Variants in ADGRA1 observed in about 807,000 individuals in gnomAD.
ADGRA1 encodes the protein adhesion G protein-coupled receptor A1.
Under a neutral mutation model 21.3 loss-of-function variants are expected in ADGRA1, and 12 were observed. The ratio of observed to expected loss-of-function variants is 0.56; its 90% CI spans 0.36 to 0.91. ADGRA1 has a LOEUF of 0.91. Among genes scored for constraint, ADGRA1 ranks in the 40% least tolerant of loss-of-function variants. ADGRA1 has a pLI of 0.01. For synonymous variants in ADGRA1, 385 were observed against 368.8 expected (o/e 1.04, Z -0.50); for missense variants, 790 against 805.6 (o/e 0.98, Z 0.23).
At position 133,128,606 on chromosome 10, in the gene ADGRA1, G is replaced by A. The variant is rs374324374; in HGVS notation, c.778G>A (p.Ala260Thr). 5.3e-5 allele frequency: 85 copies of A among 1,600,780 alleles called. No individual in the cohort carries two copies. Among genetic ancestry groups the A allele is most frequent in the South Asian group, 3.3e-4 (30 of 89,750 alleles). ...ATTCCAGGCACAGCTGCGCGCCGCC[G>A]CCTTCACGCTGTTCCTGTTCACGGC... The part of the protein sequence containing the change: ...HSFQAQLRAA[A>T]FTLFLFTATW... Residue 260 changes from alanine (A) to threonine (T), a missense_variant, in exon 7 of 7, where the codon GCC (alanine) becomes ACC (threonine). Coordinates refer to ENST00000392607, the MANE Select transcript of ADGRA1 (RefSeq NM_001083909.3).
At chr10:133,094,170 C>T (rs1008406369) in intron 2 of ADGRA1, among the ~76,000 whole-genome samples, 1 of 152,370 alleles carries the variant, frequency 6.6e-6, no homozygotes, top group South Asian at 2.1e-4. Flanking sequence ...CACAAGGCGG[C>T]GTGGCCCTCG....
In ADGRA1 at chr10:133,129,780, C is replaced by T. The variant is rs1309968294; in HGVS notation, c.*269C>T. 4.4e-6 allele frequency: 2 copies of T among 455,640 alleles called. No homozygotes were observed. Among genetic ancestry groups the T allele is most frequent in the African/African-American group, 4.1e-5 (2 of 49,066 alleles). 28.2% of individuals were successfully genotyped at this position (455,640 alleles called of 1,614,324 possible). ...GCCCACTCCCCTTATCCCAATTCCG[C>T]GTGCTGGTCCCGCACACGGTCATCC... is the stretch of plus-strand genomic sequence containing the variant. On this transcript the variant is annotated 3_prime_UTR_variant, in exon 7 of 7. Transcript: ENST00000392607.
At chr10:133,114,136 G>T (rs1396097761) in intron 5 of ADGRA1, among the ~76,000 whole-genome samples, 1 of 152,184 alleles carries the variant, frequency 6.6e-6, no homozygotes, top group Non-Finnish European at 1.5e-5. Context: ...CTCCACCCCT[G>T]GGAACAGCAC....
intron 5 of ADGRA1, among the ~76,000 whole-genome samples, chr10:133,104,836 C>G (rs1851864464): frequency 6.6e-6 from 1 of 152,148 alleles, no homozygotes; most frequent in African/African-American, 2.4e-5. Context: ...TGCCGAGGGC[C>G]TGCCCTCTCC....
chr10:133,122,765 C>T (rs1270226006), intron 5 of ADGRA1, among the ~76,000 whole-genome samples: 1 of 152,090 alleles, frequency 6.6e-6, no homozygotes, highest in African/African-American at 2.4e-5. Context: ...CTGGCCTGGC[C>T]CTGGGGCCTC....
intron 3 of ADGRA1, among the ~76,000 whole-genome samples, chr10:133,097,752 C>T (rs193162050): frequency 2.0e-4 from 30 of 152,354 alleles, no homozygotes; most frequent in African/African-American, 6.7e-4. Context: ...ACTGACTTCT[C>T]AGTTCTGGAG....
chr10:133,120,495 A>G (rs1374140925), intron 5 of ADGRA1, among the ~76,000 whole-genome samples: 3 of 152,228 alleles, frequency 2.0e-5, no homozygotes, highest in East Asian at 1.9e-4. Flanking sequence ...CATCTTCTCC[A>G]TCAGCACTTG....
intron 2 of ADGRA1, among the ~76,000 whole-genome samples, chr10:133,091,384 T>C (rs1851593741): frequency 6.6e-6 from 1 of 152,058 alleles, no homozygotes; most frequent in South Asian, 2.1e-4. Flanking sequence ...GTGGTTGCTG[T>C]GGGATATGGT....
intron 5 of ADGRA1, among the ~76,000 whole-genome samples, chr10:133,117,026 C>T (rs1372439032): frequency 1.3e-5 from 2 of 152,170 alleles, no homozygotes; most frequent in Admixed American, 6.5e-5. Context: ...CGGTCGGTCA[C>T]GCTCTCTGTA....
At chr10:133,110,272 G>A (rs1234523252) in intron 5 of ADGRA1, among the ~76,000 whole-genome samples, 2 of 152,272 alleles carry the variant, frequency 1.3e-5, no homozygotes, top group Non-Finnish European at 2.9e-5. Flanking sequence ...CTCAAGCTCC[G>A]CATTCTTGCT....
chr10:133,124,253 C>T (rs1422734342), intron 5 of ADGRA1, among the ~76,000 whole-genome samples: 1 of 151,848 alleles, frequency 6.6e-6, no homozygotes, highest in Non-Finnish European at 1.5e-5. Context: ...GGCTCTGCAC[C>T]CTCCCCGGCT....
At chr10:133,088,243 C>T (rs1207128410) in intron 1 of ADGRA1, 105 bp downstream of exon 1, 2 of 420,042 alleles carry the variant, frequency 4.8e-6, no homozygotes, top group African/African-American at 4.3e-5. Context: ...GAAAGCAGCT[C>T]CGAGTAACTT....
intron 5 of ADGRA1, among the ~76,000 whole-genome samples, chr10:133,121,093 G>A (rs1175514223): frequency 2.6e-5 from 4 of 152,284 alleles, no homozygotes; most frequent in South Asian, 4.1e-4. Flanking sequence ...CGTCTTATAC[G>A]GGCGTGGTTT....
chr10:133,116,921 C>G (rs1007220333), intron 5 of ADGRA1, among the ~76,000 whole-genome samples: 1 of 152,114 alleles, frequency 6.6e-6, no homozygotes, highest in Non-Finnish European at 1.5e-5. Flanking sequence ...ACCCCCAGTT[C>G]GGGACAGAGG....
At chr10:133,119,045 T>C (rs955226338) in intron 5 of ADGRA1, among the ~76,000 whole-genome samples, 2 of 150,894 alleles carry the variant, frequency 1.3e-5, no homozygotes, top group Non-Finnish European at 2.9e-5. Flanking sequence ...ACCACACACA[T>C]ACACTCTTGC....
At chr10:133,104,643 G>C (rs896690089) in intron 5 of ADGRA1, among the ~76,000 whole-genome samples, 1 of 152,138 alleles carries the variant, frequency 6.6e-6, no homozygotes, top group African/African-American at 2.4e-5. Context: ...GTGTAAGAAA[G>C]GTCTTGACAT....
intron 5 of ADGRA1, among the ~76,000 whole-genome samples, chr10:133,103,979 C>T (rs533574518): frequency 1.3e-5 from 2 of 152,318 alleles, no homozygotes; most frequent in East Asian, 1.9e-4. Context: ...CTGTGGCCAG[C>T]GGTCCCAGGG....
chr10:133,094,580 A>C (rs1851656572), intron 2 of ADGRA1, among the ~76,000 whole-genome samples: 1 of 152,252 alleles, frequency 6.6e-6, no homozygotes, highest in Admixed American at 6.5e-5. Context: ...TCAACACAAC[A>C]GATGAGAACG....
intron 4 of ADGRA1, among the ~76,000 whole-genome samples, chr10:133,099,041 C>T (rs1851740732): frequency 6.6e-6 from 1 of 152,146 alleles, no homozygotes; most frequent in Admixed American, 6.5e-5. Flanking sequence ...ACAGCCTGCC[C>T]CTCCCGGAGA....
Sources: gnomAD v4.1 joint callset for allele counts (sites outside exome capture counted in the v4.1 genomes callset) on GRCh38, gnomAD v4.1.1 for gene constraint, MANE v1.5 for transcripts, NCBI Gene and HGNC (gene_info 2026-07-23, HGNC 2026-07-21) for gene names.